STAC3: variants seen among roughly 807,000 people sequenced by gnomAD.
STAC3 encodes SH3 and cysteine-rich domain-containing protein 3.
Under a neutral mutation model 48.5 loss-of-function variants are expected in STAC3, and 30 were observed. The ratio of observed to expected loss-of-function variants is 0.62; its 90% CI spans 0.46 to 0.84. The LOEUF (loss-of-function observed/expected upper bound fraction) is 0.84. Among genes scored for constraint, STAC3 ranks in the 40% least tolerant of loss-of-function variants. The pLI is 0.00. For missense variants in STAC3, 419 were observed against 462.6 expected (o/e 0.91, Z 0.86); for synonymous variants, 144 against 158.6 (o/e 0.91, Z 0.69).
At chr12:57,250,582 C>CAGAG (rs1303994231) in intron 1 of STAC3, among the ~76,000 whole-genome samples, 4 of 152,008 alleles carry the variant, frequency 2.6e-5, no homozygotes, top group Non-Finnish European at 5.9e-5. Flanking sequence ...CTGTGGGCAA[C>CAGAG]AGAGATGTGA....
chr12:57,246,782 C>G, intron 6 of STAC3, 22 bp downstream of exon 6: 1 of 1,605,514 alleles, frequency 6.2e-7, no homozygotes, highest in Non-Finnish European at 8.5e-7. Context: ...GGAGGGACCT[C>G]GTGGGGAGGT....
In STAC3 at chr12:57,244,557, C is replaced by A; in HGVS notation, c.786G>T (p.Glu262Asp). Residue 262 changes from glutamate to aspartate, a missense_variant, in exon 9 of 12, where the codon GAG (glutamate) becomes GAT (aspartate). By Grantham distance (45) the Glu-to-Asp change is conservative. Coordinates refer to ENST00000332782, the MANE Select transcript of STAC3 (RefSeq NM_145064.3). ...FVALYRFKAL[E>D]KDDLDFPPGE... ...CTCACGGGAAATCCAGATCGTCCTT[C>A]TCCAGGGCTTTGAACCGATAGAGAG... is the stretch of plus-strand genomic sequence containing the variant. 2 of 1,614,262 alleles carry A rather than the reference C, an allele frequency of 1.2e-6. No individual in the cohort carries two copies. Among genetic ancestry groups the A allele is most frequent in the Non-Finnish European group, 1.7e-6 (2 of 1,180,044 alleles).
intron 3 of STAC3, 73 bp downstream of exon 3, chr12:57,248,968 C>T: frequency 6.4e-7 from 1 of 1,560,612 alleles, no homozygotes; most frequent in Non-Finnish European, 8.7e-7. Flanking sequence ...GCTACAAATA[C>T]TCCTCTCCTA....
intron 6 of STAC3, 88 bp from the exon 7 acceptor site, chr12:57,245,299 T>C (rs2037709776): frequency 8.3e-7 from 1 of 1,206,062 alleles, no homozygotes; most frequent in South Asian, 1.3e-5. Context: ...TATAGAATAA[T>C]GGGATCTCAG....
rs763839610 is a variant in STAC3, at chr12:57,243,512, C to T, written c.*300G>A. The T allele has an allele frequency of 2.3e-4, 124 of 534,158 alleles. No homozygotes were observed. The highest frequency in any genetic ancestry group is 4.0e-4 in the Non-Finnish European group (117 of 294,018). The allele number at this position is 534,158 out of a possible 1,614,324, so 33.1% of individuals were successfully genotyped here. A position where few individuals can be genotyped will look rare whatever the true frequency, so the allele number is the denominator to read the frequency against. ...CAACATTCGACAGTTCGCCCTCCCT[C>T]GCCCCCGCCCCCCGCCCCAGTCCCT... On this transcript the variant is annotated 3_prime_UTR_variant, in exon 12 of 12. Transcript: ENST00000332782.
At chr12:57,246,539 A>AT (rs1211617376) in intron 6 of STAC3, among the ~76,000 whole-genome samples, 3 of 151,392 alleles carry the variant, frequency 2.0e-5, no homozygotes, top group Non-Finnish European at 2.9e-5. Flanking sequence ...CCACACCCGG[A>AT]TTTTTTATTT....
intron 3 of STAC3, 93 bp from the exon 4 acceptor site, chr12:57,248,896 G>A (rs1024098789): frequency 6.5e-7 from 1 of 1,526,884 alleles, no homozygotes; most frequent in Non-Finnish European, 9.0e-7. Flanking sequence ...TTTCTGTCTG[G>A]GACCCTACTT....
At position 57,251,109 on chromosome 12, in the gene STAC3, AC is replaced by A. The variant is rs2037894420; in HGVS notation, c.-119del. 4.4e-6 allele frequency: 2 copies of A among 451,560 alleles called. No individual in the cohort carries two copies. The highest frequency in any genetic ancestry group is 8.9e-6 in the Non-Finnish European group (2 of 225,212). 28.0% of individuals were successfully genotyped at this position (451,560 alleles called of 1,614,324 possible). ...TCCTTGGGGGCTAAGCCCCCCCAGT[AC>A]CCCCTGTGTTCACACCAGCTACCCA... On this transcript the variant is annotated 5_prime_UTR_variant, in exon 1 of 12. Transcript: ENST00000332782.
chr12:57,243,936 G>C, intron 11 of STAC3, 26 bp from the exon 12 acceptor site: 1 of 1,612,206 alleles, frequency 6.2e-7, no homozygotes, highest in Non-Finnish European at 8.5e-7. Flanking sequence ...ATCAGAAGTA[G>C]GAGAGGAATC....
intron 1 of STAC3, 33 bp downstream of exon 1, chr12:57,250,960 C>T (rs1384369915): frequency 9.9e-6 from 3 of 302,254 alleles, no homozygotes; most frequent in South Asian, 5.6e-5. Flanking sequence ...GGTGAGCAGT[C>T]GTGGAAATCA....
intron 4 of STAC3, 39 bp downstream of exon 4, chr12:57,248,667 G>A (rs746339216): frequency 2.5e-5 from 39 of 1,533,732 alleles, no homozygotes; most frequent in Non-Finnish European, 3.3e-5. Flanking sequence ...GCCACCACGC[G>A]TGGCCATGTC....
At chr12:57,249,832 T>G (rs2037858805) in intron 1 of STAC3, 195 bp from the exon 2 acceptor site, 1 of 549,360 alleles carries the variant, frequency 1.8e-6, no homozygotes, top group African/African-American at 1.9e-5. Flanking sequence ...CATGGCTCAC[T>G]GCAGCCTCGA....
chr12:57,249,666 T>A (rs1445027547), intron 1 of STAC3, 29 bp from the exon 2 acceptor site: 1 of 1,611,942 alleles, frequency 6.2e-7, no homozygotes, highest in Non-Finnish European at 8.5e-7. Context: ...CACTATGAAA[T>A]CTAATCCCTT....
intron 1 of STAC3, among the ~76,000 whole-genome samples, chr12:57,249,970 G>A (rs747818048): frequency 2.0e-5 from 3 of 152,118 alleles, no homozygotes; most frequent in Non-Finnish European, 2.9e-5. Context: ...GGCTGGTCCC[G>A]AACTAGCTCA....
Position 57,249,648 on chromosome 12 carries a change from T to C in STAC3, c.-1-11A>G. On this transcript the variant is annotated splice_polypyrimidine_tract_variant and intron_variant, in intron 1 of 11. Coordinates refer to ENST00000332782, the MANE Select transcript of STAC3 (RefSeq NM_145064.3). Reference sequence around the variant, plus strand: ...TCCTTTTCTGTCATCCTGCAAGAGGTTGGACCCCACTATGAAATCTAATCC... The same window carrying C: ...TCCTTTTCTGTCATCCTGCAAGAGGCTGGACCCCACTATGAAATCTAATCC... The C allele has an allele frequency of 1.9e-6, 3 of 1,613,792 alleles. No individual in the cohort carries two copies. The highest frequency in any genetic ancestry group is 1.7e-5 in the Admixed American group (1 of 60,012).
Position 57,248,714 on chromosome 12 carries a change from C to G in STAC3, c.424G>C (p.Gly142Arg), listed in dbSNP as rs777565251. The change falls in exon 4 of 12, where the codon GGC becomes CGC. Residue 142 changes from glycine to arginine, a missense_variant. Coordinates refer to ENST00000332782, the MANE Select transcript of STAC3 (RefSeq NM_145064.3). ...CTCCACAGCCTACTCACGATCTTGC[C>G]GAAGCATCTCTGCATTTCCACATAG... is the stretch of plus-strand genomic sequence containing the variant. ...QSYVEMQRCF[G>R]KIPPGFHRAY... 5 of 1,613,646 alleles carry G rather than the reference C, an allele frequency of 3.1e-6. No individual in the cohort carries two copies. In the East Asian group the frequency reaches 1.1e-4, roughly 36 times the overall value.
rs1565779148 is a variant in STAC3, at chr12:57,243,637, CAGGCTGGGGA to C, written c.*165_*174del. On this transcript the variant is annotated 3_prime_UTR_variant, in exon 12 of 12. Transcript: ENST00000332782. ...TCTGGGCAGCAGGTATCCGAGGCCC[CAGGCTGGGGA>C]AGGGGGCGAGAACCAGTCCCTTCCC... 1.4e-6 allele frequency: 1 copy of C among 724,264 alleles called. No homozygotes were observed. The allele number at this position is 724,264 out of a possible 1,614,324, so 44.9% of individuals were successfully genotyped here.
chr12:57,249,420 C>T (rs1300068832), intron 2 of STAC3, 112 bp from the exon 3 acceptor site: 10 of 1,500,506 alleles, frequency 6.7e-6, no homozygotes, highest in Non-Finnish European at 9.0e-6. Flanking sequence ...AAGGAATGTA[C>T]CCCAGGATTA....
chr12:57,247,428 ATTTTTTTTT>A (rs367784960), intron 5 of STAC3, among the ~76,000 whole-genome samples: 2 of 58,532 alleles, frequency 3.4e-5, no homozygotes, highest in Non-Finnish European at 7.8e-5. Context: ...TATTATTATT[ATTTTTTTTT>A]TTTTTTTTTT....
Sources: allele counts gnomAD v4.1 joint callset (sites outside exome capture counted in the v4.1 genomes callset), GRCh38; gene constraint gnomAD v4.1.1; transcripts MANE v1.5; gene names NCBI Gene and HGNC (gene_info 2026-07-23, HGNC 2026-07-21).